ZCWPW1: variants seen among roughly 807,000 people sequenced by gnomAD.
ZCWPW1 encodes zinc finger CW-type PWWP domain protein 1.
A neutral mutation model predicts 81.3 loss-of-function variants in ZCWPW1; 56 were observed. That is an observed-to-expected ratio of 0.69 (90% CI 0.56 to 0.86). ZCWPW1 has a LOEUF of 0.86. Ranked by LOEUF, ZCWPW1 falls within the 40% of genes least tolerant of loss-of-function variation. The pLI, the probability that ZCWPW1 is intolerant of heterozygous loss-of-function variation, is 0.00. For synonymous variants in ZCWPW1, 250 were observed against 273.7 expected, an observed-to-expected ratio of 0.91 and a Z score of 0.86; for missense variants, 650 against 769.8, an observed-to-expected ratio of 0.84 and a Z score of 1.84.
At chr7:100,414,232 A>T (rs765633803) in intron 8 of ZCWPW1, among the ~76,000 whole-genome samples, 3 of 152,232 alleles carry the variant, frequency 2.0e-5, no homozygotes, top group Non-Finnish European at 4.4e-5. Flanking sequence ...TTTTCTTCCA[A>T]GTATGTGCAA....
intron 8 of ZCWPW1, among the ~76,000 whole-genome samples, chr7:100,411,914 CTG>C: frequency 6.6e-6 from 1 of 152,200 alleles, no homozygotes; most frequent in African/African-American, 2.4e-5. Flanking sequence ...CTCTGGAAAA[CTG>C]TGTTTGATGC....
At chr7:100,416,890 G>C (rs1795338300) in intron 6 of ZCWPW1, among the ~76,000 whole-genome samples, 176 bp downstream of exon 6, 1 of 150,646 alleles carries the variant, frequency 6.6e-6, no homozygotes, top group South Asian at 2.1e-4. Flanking sequence ...AGGTTGCAGT[G>C]AGCTAAGATC....
At position 100,408,520 on chromosome 7, in the gene ZCWPW1, C is replaced by G. The variant is rs1280069375; in HGVS notation, c.992+19G>C. On this transcript the variant is annotated intron_variant, in intron 10 of 17. Transcript: ENST00000684423. ...CCCAAGTTTGTGAAGGATGCTCTGA[C>G]TGTGTCATAATGCCCTACCAGGGGT... The G allele has an allele frequency of 3.1e-6, 5 of 1,608,708 alleles. No individual in the cohort carries two copies. The highest frequency in any genetic ancestry group is 3.4e-6 in the Non-Finnish European group (4 of 1,178,048).
intron 8 of ZCWPW1, among the ~76,000 whole-genome samples, chr7:100,410,227 C>T (rs1377937638): frequency 6.6e-6 from 1 of 152,174 alleles, no homozygotes; most frequent in Non-Finnish European, 1.5e-5. Flanking sequence ...AAAACTCTTC[C>T]ATTGTGGTCT....
chr7:100,401,772 T>C lies in ZCWPW1; in HGVS notation c.1627+117A>G, dbSNP rs1041418505. The C allele has an allele frequency of 3.0e-6, 4 of 1,353,054 alleles. No individual in the cohort carries two copies. The African/African-American group carries it at 5.8e-5, about 20-fold the overall frequency. The allele number at this position is 1,353,054 out of a possible 1,614,324, so 83.8% of individuals were successfully genotyped here. A position where few individuals can be genotyped will look rare whatever the true frequency, so the allele number is the denominator to read the frequency against. On this transcript the variant is annotated intron_variant, in intron 17 of 17. Transcript: ENST00000684423. ...GTCCGAGACGCTCTTTCATTCTAATTTTCATTCATTCTGTAAAGTAATGAA... is the reference window on the plus strand; with the variant it reads ...GTCCGAGACGCTCTTTCATTCTAATCTTCATTCATTCTGTAAAGTAATGAA...
intron 4 of ZCWPW1, 94 bp downstream of exon 4, chr7:100,419,536 T>C: frequency 1.3e-6 from 2 of 1,508,316 alleles, no homozygotes; most frequent in Non-Finnish European, 1.8e-6. Context: ...CTAGGGTGAA[T>C]TTCCCCAGTG....
chr7:100,406,622 G>A, intron 12 of ZCWPW1, 72 bp downstream of exon 12: 1 of 1,408,058 alleles, frequency 7.1e-7, no homozygotes, highest in East Asian at 2.3e-5. Context: ...CTTACCCTGG[G>A]AGAAAATGAG....
chr7:100,404,483 C>T (rs1220520592), intron 13 of ZCWPW1, among the ~76,000 whole-genome samples: 1 of 152,128 alleles, frequency 6.6e-6, no homozygotes. Context: ...GCCTTAGCCT[C>T]CCAAGTATGT....
chr7:100,402,657 G>T, intron 15 of ZCWPW1, 81 bp from the exon 16 acceptor site: 1 of 1,405,322 alleles, frequency 7.1e-7, no homozygotes, highest in South Asian at 1.2e-5. Context: ...GCTACAGAAT[G>T]ACAGGTGGGC....
At chr7:100,419,327 C>A in intron 4 of ZCWPW1, 138 bp from the exon 5 acceptor site, 1 of 782,922 alleles carries the variant, frequency 1.3e-6, no homozygotes, top group Non-Finnish European at 2.0e-6. Context: ...CTAAGGAGGC[C>A]ATGAACTATA....
chr7:100,423,421 T>C (rs1429087893), intron 2 of ZCWPW1, among the ~76,000 whole-genome samples: 1 of 152,202 alleles, frequency 6.6e-6, no homozygotes, highest in Non-Finnish European at 1.5e-5. Context: ...TTTAAGACCT[T>C]AAATGGCCAA....
chr7:100,421,820 G>A (rs894699262), intron 2 of ZCWPW1, among the ~76,000 whole-genome samples: 3 of 152,044 alleles, frequency 2.0e-5, no homozygotes, highest in African/African-American at 7.3e-5. Context: ...AGCCTCCCGA[G>A]TAGCTGGGAT....
chr7:100,403,346 G>A (rs1464470342), intron 15 of ZCWPW1, among the ~76,000 whole-genome samples: 1 of 151,894 alleles, frequency 6.6e-6, no homozygotes, highest in African/African-American at 2.4e-5. Flanking sequence ...CTCCCGAGTA[G>A]CTGGGACTAT....
At chr7:100,417,223 CG>C in intron 5 of ZCWPW1, 40 bp from the exon 6 acceptor site, 3 of 1,541,530 alleles carry the variant, frequency 1.9e-6, no homozygotes, top group Non-Finnish European at 1.8e-6. Flanking sequence ...AGCAAAAAAA[CG>C]AAAAAGCCAC....
intron 2 of ZCWPW1, among the ~76,000 whole-genome samples, chr7:100,421,634 C>G (rs913187225): frequency 2.0e-5 from 3 of 152,080 alleles, no homozygotes; most frequent in South Asian, 2.1e-4. Flanking sequence ...AAATTAGTGC[C>G]TTGATATTCA....
intron 1 of ZCWPW1, among the ~76,000 whole-genome samples, 193 bp from the exon 2 acceptor site, chr7:100,425,329 A>C (rs1181877092): frequency 6.6e-6 from 1 of 152,128 alleles, no homozygotes; most frequent in African/African-American, 2.4e-5. Flanking sequence ...CTTTAATAAG[A>C]GGGGCAAAGG....
In ZCWPW1 at chr7:100,420,674, T is replaced by C; in HGVS notation, c.-25A>G. The C allele has an allele frequency of 6.2e-7, 1 of 1,613,770 alleles. No individual in the cohort carries two copies. Among genetic ancestry groups the C allele is most frequent in the Non-Finnish European group, 8.5e-7 (1 of 1,179,982 alleles). On this transcript the variant is annotated 5_prime_UTR_variant, in exon 3 of 18. Coordinates refer to ENST00000684423, the MANE Select transcript of ZCWPW1 (RefSeq NM_001386010.1). ...TTCAGCTTAGAAACTACGCTTTGTG[T>C]GCCTCTGTTAGAAAAAAGAAATTAA...
At chr7:100,421,626 A>G (rs957724209) in intron 2 of ZCWPW1, among the ~76,000 whole-genome samples, 6 of 152,202 alleles carry the variant, frequency 3.9e-5, no homozygotes, top group Non-Finnish European at 8.8e-5. Context: ...GAGAAATTAA[A>G]TTAGTGCCTT....
chr7:100,419,968 A>T (rs1467831120), intron 3 of ZCWPW1, 85 bp from the exon 4 acceptor site: 1 of 1,116,368 alleles, frequency 9.0e-7, no homozygotes, highest in Non-Finnish European at 1.3e-6. Context: ...TAGCCATAAC[A>T]GAATGATATG....
Sources: allele counts gnomAD v4.1 joint callset (sites outside exome capture counted in the v4.1 genomes callset), GRCh38; gene constraint gnomAD v4.1.1; transcripts MANE v1.5; gene names NCBI Gene and HGNC (gene_info 2026-07-23, HGNC 2026-07-21).